Variants in CDH13 observed in about 807,000 individuals in gnomAD.
The protein encoded by CDH13 is cadherin-13.
Under a neutral mutation model 63.8 loss-of-function variants are expected in CDH13, and 24 were observed. That is an observed-to-expected ratio of 0.38 (90% CI 0.27 to 0.53). CDH13 has a LOEUF of 0.53. Among genes scored for constraint, CDH13 ranks in the 20% least tolerant of loss-of-function variants. The probability of loss-of-function intolerance (pLI) is 0.85; values close to 1 mark genes in which losing one functional copy is unlikely to be tolerated. For missense variants in CDH13, 1,049 were observed against 903.1 expected (o/e 1.16, Z -2.07); for synonymous variants, 503 against 355.3 (o/e 1.42, Z -4.67).
intron 6 of CDH13, among the ~76,000 whole-genome samples, chr16:83,414,990 A>C (rs1014017290): frequency 2.6e-5 from 4 of 152,120 alleles, no homozygotes; most frequent in African/African-American, 4.8e-5. Flanking sequence ...TGGTTTTTTG[A>C]AAAGATAAGC....
intron 1 of CDH13, among the ~76,000 whole-genome samples, chr16:82,732,589 C>T (rs7500927): frequency 1.3e-5 from 2 of 152,226 alleles, no homozygotes; most frequent in Non-Finnish European, 2.9e-5. Flanking sequence ...ATTTATCCCT[C>T]TTATTCTTGC....
intron 1 of CDH13, among the ~76,000 whole-genome samples, chr16:82,818,528 G>A (rs1040977603): frequency 1.3e-5 from 2 of 152,196 alleles, no homozygotes; most frequent in South Asian, 4.1e-4. Flanking sequence ...AATAACATTT[G>A]AGGAATCTCT....
intron 3 of CDH13, among the ~76,000 whole-genome samples, chr16:83,097,929 C>G (rs1343722730): frequency 6.6e-6 from 1 of 152,000 alleles, no homozygotes; most frequent in Non-Finnish European, 1.5e-5. Context: ...AGTACCTACT[C>G]TGTACTAGCT....
At chr16:83,491,045 C>T (rs1244748672) in intron 7 of CDH13, among the ~76,000 whole-genome samples, 1 of 152,186 alleles carries the variant, frequency 6.6e-6, no homozygotes, top group South Asian at 2.1e-4. Flanking sequence ...TGTATTATCT[C>T]AGAACATTCT....
At chr16:83,050,707 A>C (rs1185566512) in intron 3 of CDH13, among the ~76,000 whole-genome samples, 1 of 150,008 alleles carries the variant, frequency 6.7e-6, no homozygotes, top group Non-Finnish European at 1.5e-5. Flanking sequence ...GCGCATCTCC[A>C]CCCGTACATT....
rs577251499 is a variant in CDH13 at position 82,870,159 on chromosome 16, A to G, written c.157+11686A>G. ...AAATCTCATTAAAAATGGGCGAAAG[A>G]TATGAATTGACGTTTCTCAAAGGAA... On this transcript the variant is annotated intron_variant, in intron 2 of 13. Transcript: ENST00000567109. 6.6e-5 allele frequency among the ~76,000 whole-genome samples: 10 copies of G among 152,334 alleles called. No homozygotes were observed. In the East Asian group the frequency reaches 1.9e-3, roughly 29 times the overall value.
intron 3 of CDH13, among the ~76,000 whole-genome samples, chr16:83,078,937 C>T (rs564492906): frequency 3.3e-4 from 50 of 152,074 alleles, no homozygotes; most frequent in Middle Eastern, 3.4e-3. Flanking sequence ...TGGGATTACA[C>T]GTGTGCACCA....
intron 1 of CDH13, among the ~76,000 whole-genome samples, chr16:82,630,143 GT>G (rs909085560): frequency 6.6e-6 from 1 of 152,180 alleles, no homozygotes; most frequent in Non-Finnish European, 1.5e-5. Flanking sequence ...CTGCAAATTT[GT>G]GTGTTATGTT....
intron 2 of CDH13, among the ~76,000 whole-genome samples, chr16:82,876,907 A>C (rs937515079): frequency 1.9e-4 from 29 of 152,202 alleles, no homozygotes; most frequent in Non-Finnish European, 2.6e-4. Context: ...ATAGAAAAAA[A>C]GTATCTGGGA....
rs547480416 is a variant in CDH13, at chr16:83,597,462, A to G, written c.961-4992A>G. ...AAATGTGTATATTAAATATGTGGGTATTTAAAATGTACCTCCGTGTGTGTC... is the reference window on the plus strand; with the variant it reads ...AAATGTGTATATTAAATATGTGGGTGTTTAAAATGTACCTCCGTGTGTGTC... On this transcript the variant is annotated intron_variant, in intron 7 of 13. Transcript: ENST00000567109. Among the ~76,000 whole-genome samples the G allele has an allele frequency of 3.3e-5, 5 of 152,336 alleles. No homozygotes were observed. In the South Asian group the frequency reaches 1.0e-3, roughly 32 times the overall value.
chr16:83,766,947 T>C (rs916985986), intron 11 of CDH13, among the ~76,000 whole-genome samples: 1 of 152,210 alleles, frequency 6.6e-6, no homozygotes, highest in Non-Finnish European at 1.5e-5. Context: ...TGCTTCTCCT[T>C]GTCTTCTGCC....
At chr16:83,103,366 C>G (rs1008883123) in intron 3 of CDH13, among the ~76,000 whole-genome samples, 3 of 146,580 alleles carry the variant, frequency 2.0e-5, no homozygotes, top group African/African-American at 7.6e-5. Flanking sequence ...CTGCCTCAGC[C>G]TACTGAGTAG....
intron 2 of CDH13, among the ~76,000 whole-genome samples, chr16:82,901,680 A>C (rs147467778): frequency 6.6e-6 from 1 of 152,218 alleles, no homozygotes; most frequent in African/African-American, 2.4e-5. Flanking sequence ...TTAATAACTG[A>C]TAAACACTTA....
chr16:82,792,410 TAAAA>T (rs937440455), intron 1 of CDH13, among the ~76,000 whole-genome samples: 1 of 151,960 alleles, frequency 6.6e-6, no homozygotes, highest in African/African-American at 2.4e-5. Flanking sequence ...TAGCATCTGA[TAAAA>T]AAAAGATCAA....
intron 2 of CDH13, among the ~76,000 whole-genome samples, chr16:82,891,296 G>T (rs2041072965): frequency 6.6e-6 from 1 of 152,106 alleles, no homozygotes; most frequent in African/African-American, 2.4e-5. Context: ...TAAGAAAGAA[G>T]CAGATTTCGT....
chr16:82,971,264 G>A (rs932640699), intron 2 of CDH13, among the ~76,000 whole-genome samples: 27 of 152,306 alleles, frequency 1.8e-4, no homozygotes, highest in African/African-American at 6.3e-4. Context: ...GATAACAGCC[G>A]TTTTGTTGGC....
chr16:82,722,182 G>A (rs1048602438), intron 1 of CDH13, among the ~76,000 whole-genome samples: 13 of 152,132 alleles, frequency 8.5e-5, no homozygotes, highest in East Asian at 3.9e-4. Context: ...ATTTTAAGGG[G>A]TTAATGTCTA....
chr16:83,463,072 A>G (rs1044661367), intron 6 of CDH13, among the ~76,000 whole-genome samples: 5 of 152,110 alleles, frequency 3.3e-5, no homozygotes, highest in Non-Finnish European at 5.9e-5. Context: ...GGAAAATATA[A>G]CACTGCCTCG....
Position 83,000,854 on chromosome 16 carries a change from C to A in CDH13, c.158-31156C>A, listed in dbSNP as rs570494318. ...TCGGCCTCCCAAGGTTCTGGGATTA[C>A]CGGCGTGAGCCACCGCGCCTGGCCA... On this transcript the variant is annotated intron_variant, in intron 2 of 13. Coordinates refer to ENST00000567109, the MANE Select transcript of CDH13 (RefSeq NM_001257.5). Among the ~76,000 whole-genome samples the A allele has an allele frequency of 1.3e-3, 193 of 152,278 alleles. 1 individual carries two copies. The highest frequency in any genetic ancestry group is 2.4e-3 in the Non-Finnish European group (166 of 68,020).
Sources: gnomAD v4.1 joint callset for allele counts (sites outside exome capture counted in the v4.1 genomes callset) on GRCh38, gnomAD v4.1.1 for gene constraint, MANE v1.5 for transcripts, NCBI Gene and HGNC (gene_info 2026-07-23, HGNC 2026-07-21) for gene names.